SLC13A1: variants seen among roughly 807,000 people sequenced by gnomAD.
The protein encoded by SLC13A1 is solute carrier family 13 member 1, also known as Na(+)/sulfate cotransporter.
In SLC13A1, 65 loss-of-function variants were observed where a neutral mutation model predicts 70.0. The observed-to-expected ratio is 0.93, with a 90% CI of 0.76 to 1.14. The LOEUF is 1.14. SLC13A1 is among the 50% of genes most tolerant of loss of function. The pLI, the probability that SLC13A1 is intolerant of heterozygous loss-of-function variation, is 0.00. For synonymous variants in SLC13A1, 275 were observed against 250.5 expected (o/e 1.10, Z -0.92); for missense variants, 726 against 717.8 (o/e 1.01, Z -0.13).
chr7:123,169,087 T>C (rs1383273980), intron 4 of SLC13A1, 61 bp downstream of exon 4: 3 of 1,478,796 alleles, frequency 2.0e-6, no homozygotes, highest in Non-Finnish European at 2.8e-6. Flanking sequence ...TTAGAATTCT[T>C]GAGTTTATGT....
intron 6 of SLC13A1, among the ~76,000 whole-genome samples, chr7:123,156,090 G>A (rs1380439751): frequency 6.6e-6 from 1 of 152,120 alleles, no homozygotes; most frequent in African/African-American, 2.4e-5. Flanking sequence ...TTTTAAAAAT[G>A]TTGAAGCCTG....
At chr7:123,132,545 T>A (rs189194008) in intron 8 of SLC13A1, among the ~76,000 whole-genome samples, 1 of 152,246 alleles carries the variant, frequency 6.6e-6, no homozygotes, top group East Asian at 1.9e-4. Flanking sequence ...CTAATTTTTG[T>A]ATTTTTAGTA....
intron 11 of SLC13A1, among the ~76,000 whole-genome samples, chr7:123,125,124 T>C (rs1416412830): frequency 6.6e-6 from 1 of 152,154 alleles, no homozygotes; most frequent in Non-Finnish European, 1.5e-5. Context: ...TATGTGAGGT[T>C]TATTTAGCTT....
At position 123,129,460 on chromosome 7, in the gene SLC13A1, A is replaced by G. The variant is rs1186585170; in HGVS notation, c.954T>C (p.Cys318=). 2 of 1,612,978 alleles carry G rather than the reference A, an allele frequency of 1.2e-6. No homozygotes were observed. Among genetic ancestry groups the G allele is most frequent in the Admixed American group, 1.7e-5 (1 of 59,812 alleles). ...TTTGTTGGACTGTTTTGGTTTTGCC[A>G]CATTTGAACATCTCCTTAAAACTGC... ...LGFNFKEMFK[C]GKTKTVQQKA... Residue 318 remains cysteine, a synonymous_variant, in exon 9 of 15, where the codon TGT becomes TGC. Transcript: ENST00000194130.
intron 6 of SLC13A1, among the ~76,000 whole-genome samples, chr7:123,156,599 A>T (rs538926348): frequency 6.6e-6 from 1 of 152,240 alleles, no homozygotes; most frequent in South Asian, 2.1e-4. Context: ...AGATTATGTT[A>T]TTTAATTAAA....
At chr7:123,125,461 G>A in intron 11 of SLC13A1, 108 bp downstream of exon 11, 1 of 750,122 alleles carries the variant, frequency 1.3e-6, no homozygotes, top group Non-Finnish European at 2.3e-6. Flanking sequence ...GCCAGGGATT[G>A]TGCCAGCATA....
chr7:123,154,073 T>A (rs1296469225), intron 6 of SLC13A1, among the ~76,000 whole-genome samples: 1 of 152,072 alleles, frequency 6.6e-6, no homozygotes, highest in African/African-American at 2.4e-5. Context: ...ACCTAATATT[T>A]CAGAAGTGCA....
intron 6 of SLC13A1, chr7:123,148,657 G>A (rs573287650): frequency 1.3e-5 from 4 of 303,338 alleles, no homozygotes; most frequent in South Asian, 1.1e-4. Flanking sequence ...TTAGTCAGGA[G>A]AATAGCTTCA....
intron 6 of SLC13A1, among the ~76,000 whole-genome samples, chr7:123,165,901 C>T (rs1186042482): frequency 6.6e-6 from 1 of 152,162 alleles, no homozygotes; most frequent in Non-Finnish European, 1.5e-5. Flanking sequence ...TTATCGAATA[C>T]ATCCTTTGTG....
chr7:123,127,684 ATTAGGAATTTGGACTCAGAC>A (rs1329642941), intron 10 of SLC13A1, among the ~76,000 whole-genome samples: 1 of 152,042 alleles, frequency 6.6e-6, no homozygotes, highest in Non-Finnish European at 1.5e-5. Flanking sequence ...TTGTGTGGTC[ATTAGGAATTTGGACTCAGAC>A]TTCGCACCCT....
chr7:123,141,726 C>T (rs1563327645), intron 7 of SLC13A1, among the ~76,000 whole-genome samples: 1 of 152,034 alleles, frequency 6.6e-6, no homozygotes, highest in Non-Finnish European at 1.5e-5. Flanking sequence ...ATCTATTTTG[C>T]CTGATATGAG....
At chr7:123,152,019 G>T (rs778245241) in intron 6 of SLC13A1, among the ~76,000 whole-genome samples, 972 of 95,024 alleles carry the variant, frequency 0.01, 6 homozygotes, top group Non-Finnish European at 0.023. Flanking sequence ...AAATCTGAAA[G>T]ATTTTGTAAT....
intron 1 of SLC13A1, 99 bp from the exon 2 acceptor site, chr7:123,181,200 G>T: frequency 2.3e-6 from 3 of 1,307,880 alleles, no homozygotes; most frequent in Non-Finnish European, 3.1e-6. Flanking sequence ...ATGTCACAGA[G>T]AACGTAAGAA....
At chr7:123,124,132 T>C (rs1793479348) in intron 11 of SLC13A1, among the ~76,000 whole-genome samples, 1 of 152,188 alleles carries the variant, frequency 6.6e-6, no homozygotes, top group African/African-American at 2.4e-5. Context: ...TTTTTAAGCC[T>C]TGTATGAATG....
At chr7:123,157,027 A>G (rs1794735966) in intron 6 of SLC13A1, among the ~76,000 whole-genome samples, 1 of 151,784 alleles carries the variant, frequency 6.6e-6, no homozygotes, top group African/African-American at 2.4e-5. Flanking sequence ...GAAATCCACA[A>G]CCTCTGACCT....
In SLC13A1 at chr7:123,168,376, T is replaced by C; in HGVS notation, c.658A>G (p.Lys220Glu). The C allele has an allele frequency of 6.4e-7, 1 of 1,571,158 alleles. No individual in the cohort carries two copies. The highest frequency in any genetic ancestry group is 8.7e-7 in the Non-Finnish European group (1 of 1,146,552). ...GKISSKVELE[K>E]NSGMRTKYRT... Reference sequence around the variant, plus strand: ...TAGAAAGAATCAAATTTATGTACCTTTTCCAACTCCACCTTGCTTGAAATT... The same window carrying C: ...TAGAAAGAATCAAATTTATGTACCTCTTCCAACTCCACCTTGCTTGAAATT... Residue 220 changes from lysine to glutamate, a missense_variant and splice_region_variant, in exon 6 of 15, where the codon AAG becomes GAG. Transcript: ENST00000194130.
At chr7:123,180,780 G>A (rs1400668209) in intron 2 of SLC13A1, among the ~76,000 whole-genome samples, 193 bp downstream of exon 2, 1 of 152,084 alleles carries the variant, frequency 6.6e-6, no homozygotes, top group African/African-American at 2.4e-5. Flanking sequence ...GACTCAAGAA[G>A]CTGCAGCTTG....
rs760957031 is a variant in SLC13A1, at chr7:123,117,520, G to T, written c.1601C>A (p.Pro534Gln). Residue 534 changes from proline (P) to glutamine (Q), a missense_variant, in exon 14 of 15, where the codon CCA becomes CAA. Coordinates refer to ENST00000194130, the MANE Select transcript of SLC13A1 (RefSeq NM_022444.4). ...ATATGAAAAGACAATAGCATTGGGT[G>T]GATTTGCTACTGGTAGGAGGAATGC... ...SFAFLLPVANPPNAIVFSYGH... is the reference protein window; with the variant it reads ...SFAFLLPVANQPNAIVFSYGH... 6.8e-6 allele frequency: 11 copies of T among 1,613,122 alleles called. No individual in the cohort carries two copies. The East Asian group carries it at 1.8e-4, about 26-fold the overall frequency.
intron 6 of SLC13A1, among the ~76,000 whole-genome samples, chr7:123,166,478 T>G (rs187877841): frequency 1.0e-3 from 156 of 152,248 alleles, no homozygotes; most frequent in African/African-American, 3.7e-3. Flanking sequence ...TGTGCCATGT[T>G]GGTGTGCTGA....
Sources: allele counts gnomAD v4.1 joint callset (sites outside exome capture counted in the v4.1 genomes callset), GRCh38; gene constraint gnomAD v4.1.1; transcripts MANE v1.5; gene names NCBI Gene and HGNC (gene_info 2026-07-23, HGNC 2026-07-21).